The following ARB2A variants were observed in gnomAD, a reference collection of about 807,000 sequenced individuals.
The protein encoded by ARB2A is ARB2 cotranscriptional regulator A, also known as cotranscriptional regulator ARB2A.
At chr5:93,994,449 A>C in the ARB2A span, among the ~76,000 whole-genome samples, 1 of 152,186 alleles carries the variant, frequency 6.6e-6, no homozygotes, top group Non-Finnish European at 1.5e-5. Context: ...CACTTACATG[A>C]GGCATCTAAA....
chr5:93,949,916 C>G, the ARB2A span, among the ~76,000 whole-genome samples: 1 of 152,048 alleles, frequency 6.6e-6, no homozygotes, highest in Middle Eastern at 3.2e-3. Flanking sequence ...GTTTTATTTA[C>G]TAAGAATAAA....
the ARB2A span, chr5:94,074,804 T>C: frequency 7.2e-7 from 1 of 1,392,404 alleles, no homozygotes; most frequent in South Asian, 1.2e-5. Context: ...TAAGTTCTAC[T>C]CAAAACCTAT....
chr5:93,927,128 G>C, the ARB2A span, among the ~76,000 whole-genome samples: 1 of 151,954 alleles, frequency 6.6e-6, no homozygotes, highest in African/African-American at 2.4e-5. Context: ...GTAGAAATAT[G>C]AGGCAAAAAA....
chr5:93,766,911 C>T, the ARB2A span, among the ~76,000 whole-genome samples: 1 of 151,914 alleles, frequency 6.6e-6, no homozygotes, highest in Non-Finnish European at 1.5e-5. Context: ...ACGATGGAAA[C>T]CATTATTCTC....
At chr5:93,830,309 G>GTATATATATATA in the ARB2A span, among the ~76,000 whole-genome samples, 27 of 49,648 alleles carry the variant, frequency 5.4e-4, no homozygotes, top group African/African-American at 2.4e-3. Context: ...ATGTGTGTGT[G>GTATATATATATA]TGTATATATA....
At chr5:93,788,996 T>C in the ARB2A span, among the ~76,000 whole-genome samples, 2 of 152,218 alleles carry the variant, frequency 1.3e-5, no homozygotes, top group Non-Finnish European at 2.9e-5. Flanking sequence ...TTACTTCTTA[T>C]ATTTTAAAGT....
the ARB2A span, among the ~76,000 whole-genome samples, chr5:93,647,031 T>C: frequency 6.6e-6 from 1 of 152,152 alleles, no homozygotes; most frequent in African/African-American, 2.4e-5. Flanking sequence ...AAGTTGCAAA[T>C]ATCATGCCCT....
At chr5:94,035,196 C>CATACATATACATATACATATACAT in the ARB2A span, among the ~76,000 whole-genome samples, 9,468 of 129,532 alleles carry the variant, frequency 0.073, 515 homozygotes, top group Middle Eastern at 0.11. Flanking sequence ...GGATCTTATA[C>CATACATATACATATACATATACAT]ATACATATAC....
the ARB2A span, among the ~76,000 whole-genome samples, chr5:93,652,560 T>A: frequency 6.6e-6 from 1 of 152,232 alleles, no homozygotes; most frequent in African/African-American, 2.4e-5. Context: ...CCAACAATTT[T>A]ACATATAGTT....
the ARB2A span, among the ~76,000 whole-genome samples, chr5:93,751,777 G>A: frequency 6.6e-6 from 1 of 152,158 alleles, no homozygotes; most frequent in African/African-American, 2.4e-5. Flanking sequence ...ATTTTGGCCA[G>A]CAGACAGATT....
the ARB2A span, among the ~76,000 whole-genome samples, chr5:93,883,375 C>G: frequency 3.3e-5 from 5 of 149,932 alleles, no homozygotes; most frequent in African/African-American, 4.9e-5. Context: ...TTTACACATT[C>G]TGTAATTTAA....
chr5:94,057,022 G>A, the ARB2A span, among the ~76,000 whole-genome samples: 2 of 152,274 alleles, frequency 1.3e-5, no homozygotes, highest in East Asian at 3.9e-4. Flanking sequence ...CACTCTCTCT[G>A]CCGATCTTCA....
chr5:93,714,842 T>A, the ARB2A span, among the ~76,000 whole-genome samples: 1 of 152,228 alleles, frequency 6.6e-6, no homozygotes, highest in African/African-American at 2.4e-5. Flanking sequence ...TCTTGATAAG[T>A]ACATTATTCA....
the ARB2A span, among the ~76,000 whole-genome samples, chr5:93,857,409 A>C: frequency 6.6e-6 from 1 of 152,170 alleles, no homozygotes; most frequent in Non-Finnish European, 1.5e-5. Context: ...AGAGGCAGGC[A>C]GGCCTCCTTG....
At chr5:93,759,004 G>C in the ARB2A span, among the ~76,000 whole-genome samples, 1 of 152,036 alleles carries the variant, frequency 6.6e-6, no homozygotes, top group Non-Finnish European at 1.5e-5. Flanking sequence ...CCATTGGCAA[G>C]ATTAACCAAG....
chr5:93,749,137 C>T, the ARB2A span, among the ~76,000 whole-genome samples: 156 of 152,094 alleles, frequency 1.0e-3, no homozygotes, highest in South Asian at 1.9e-3. Context: ...ATTTCCAGTG[C>T]TTCATTTCTT....
At chr5:93,784,624 A>G in the ARB2A span, 2 of 649,044 alleles carry the variant, frequency 3.1e-6, no homozygotes, top group East Asian at 5.8e-5. Context: ...TCTCTGGTTC[A>G]AAGTTACTCT....
chr5:93,903,911 T>G, the ARB2A span, among the ~76,000 whole-genome samples: 2 of 151,994 alleles, frequency 1.3e-5, no homozygotes, highest in African/African-American at 4.8e-5. Context: ...GTGAAGAATA[T>G]TTAACAGTTT....
At chr5:93,945,305 T>C in the ARB2A span, among the ~76,000 whole-genome samples, 1 of 151,786 alleles carries the variant, frequency 6.6e-6, no homozygotes, top group African/African-American at 2.4e-5. Flanking sequence ...TCCCAGCTAC[T>C]TGGGAGTCTG....
Sources: gnomAD v4.1 joint callset for allele counts (sites outside exome capture counted in the v4.1 genomes callset) on GRCh38, gnomAD v4.1.1 for gene constraint, MANE v1.5 for transcripts, NCBI Gene and HGNC (gene_info 2026-07-23, HGNC 2026-07-21) for gene names.